The following SHROOM3 variants were observed in gnomAD, a reference collection of about 807,000 sequenced individuals.
The protein encoded by SHROOM3 is protein Shroom3.
SHROOM3 carries 47 observed loss-of-function variants against 138.6 expected under a neutral mutation model. The observed-to-expected ratio is 0.34, with a 90% CI of 0.27 to 0.43. The LOEUF (loss-of-function observed/expected upper bound fraction) is 0.43. Among genes scored for constraint, SHROOM3 ranks in the 20% least tolerant of loss-of-function variants. The pLI, the probability that SHROOM3 is intolerant of heterozygous loss-of-function variation, is 1.00. For synonymous variants in SHROOM3, 1,062 were observed against 1,063.3 expected (o/e 1.00, Z 0.02); for missense variants, 2,491 against 2,596.5 (o/e 0.96, Z 0.88).
intron 2 of SHROOM3, among the ~76,000 whole-genome samples, chr4:76,625,561 A>T (rs1287262430): frequency 6.6e-6 from 1 of 151,968 alleles, no homozygotes; most frequent in Non-Finnish European, 1.5e-5. Flanking sequence ...CATCTCATCA[A>T]GATAAAGTCA....
chr4:76,635,625 T>C (rs889742771), intron 2 of SHROOM3, among the ~76,000 whole-genome samples: 1 of 152,192 alleles, frequency 6.6e-6, no homozygotes, highest in Non-Finnish European at 1.5e-5. Context: ...TCTGGAGAAA[T>C]GGAACAACAG....
intron 1 of SHROOM3, among the ~76,000 whole-genome samples, chr4:76,518,575 T>TGCC (rs1560531527): frequency 2.6e-5 from 3 of 117,434 alleles, no homozygotes; most frequent in Admixed American, 9.0e-5. Context: ...TCTTGCCTGC[T>TGCC]TGCCTGCCTG....
chr4:76,772,761 C>G (rs1722407621), intron 10 of SHROOM3, among the ~76,000 whole-genome samples: 1 of 152,178 alleles, frequency 6.6e-6, no homozygotes, highest in South Asian at 2.1e-4. Flanking sequence ...AACACAGGCC[C>G]TGCTCTCCAG....
chr4:76,645,718 T>C (rs545795316), intron 2 of SHROOM3: 4 of 152,226 alleles, frequency 2.6e-5, no homozygotes, highest in Non-Finnish European at 5.9e-5. Context: ...TACAAAGACA[T>C]ATAAGAAAAA....
chr4:76,504,885 G>A (rs908387463), intron 1 of SHROOM3, among the ~76,000 whole-genome samples: 1 of 152,166 alleles, frequency 6.6e-6, no homozygotes, highest in African/African-American at 2.4e-5. Context: ...ACTGGCAATG[G>A]GATTTTATCA....
intron 2 of SHROOM3, among the ~76,000 whole-genome samples, chr4:76,572,374 G>A (rs754690163): frequency 6.6e-6 from 1 of 152,192 alleles, no homozygotes; most frequent in Non-Finnish European, 1.5e-5. Context: ...TGGGCAGAAA[G>A]TGATCTTAAT....
At chr4:76,691,489 GTTC>G (rs747995479) in intron 2 of SHROOM3, among the ~76,000 whole-genome samples, 2 of 152,168 alleles carry the variant, frequency 1.3e-5, no homozygotes, top group Non-Finnish European at 2.9e-5. Flanking sequence ...GTGAAACAAA[GTTC>G]TTCTTTTGGT....
intron 1 of SHROOM3, among the ~76,000 whole-genome samples, chr4:76,531,612 G>A (rs1419757168): frequency 6.6e-6 from 1 of 152,124 alleles, no homozygotes; most frequent in Non-Finnish European, 1.5e-5. Flanking sequence ...TTCTCATGGG[G>A]TTGCTATAAG....
intron 2 of SHROOM3, among the ~76,000 whole-genome samples, chr4:76,613,921 T>C (rs1734816346): frequency 6.6e-6 from 1 of 152,230 alleles, no homozygotes. Context: ...ACAGATTTAA[T>C]AGCCTTTGAC....
At chr4:76,553,567 C>T (rs1238922988) in intron 1 of SHROOM3, among the ~76,000 whole-genome samples, 1 of 152,082 alleles carries the variant, frequency 6.6e-6, no homozygotes, top group Non-Finnish European at 1.5e-5. Context: ...TGAGACACCG[C>T]ACGAGGCCCA....
At chr4:76,477,281 T>C (rs1579180897) in intron 1 of SHROOM3, among the ~76,000 whole-genome samples, 1 of 152,200 alleles carries the variant, frequency 6.6e-6, no homozygotes, top group African/African-American at 2.4e-5. Context: ...TCTTAACTAG[T>C]TCTTATGGCT....
intron 1 of SHROOM3, among the ~76,000 whole-genome samples, chr4:76,438,482 T>C (rs144910865): frequency 6.6e-6 from 1 of 152,378 alleles, no homozygotes; most frequent in Non-Finnish European, 1.5e-5. Context: ...AAACTCTGTT[T>C]AAATGTTCCT....
At chr4:76,497,114 G>A (rs1731984867) in intron 1 of SHROOM3, among the ~76,000 whole-genome samples, 10 of 152,190 alleles carry the variant, frequency 6.6e-5, no homozygotes, top group Admixed American at 4.6e-4. Context: ...CTATTTAGCT[G>A]TGTGATCTTG....
At position 76,738,805 on chromosome 4, in the gene SHROOM3, G is replaced by C. The variant is rs76406459; in HGVS notation, c.632G>C (p.Arg211Thr). Residue 211 changes from arginine to threonine, a missense_variant, in exon 5 of 11, where the codon AGG becomes ACG. By Grantham distance (71) the Arg-to-Thr change is moderately conservative. This residue lies in a region of SHROOM3 where 284 missense variants were observed against 322.8 expected (regional missense o/e 0.88). Coordinates refer to ENST00000296043, the MANE Select transcript of SHROOM3 (RefSeq NM_020859.4). ...TCCAACTATGACCATGCTTATCTAA[G>C]GCGGAGCCCTGACCAGTGCAGCTCC... Reference protein sequence around the residue: ...DLSNYDHAYLRRSPDQCSSQG... With the variant: ...DLSNYDHAYLTRSPDQCSSQG... The C allele has an allele frequency of 1.2e-6, 2 of 1,614,244 alleles. No individual in the cohort carries two copies. The highest frequency in any genetic ancestry group is 4.5e-5 in the East Asian group (2 of 44,890).
intron 2 of SHROOM3, among the ~76,000 whole-genome samples, chr4:76,627,156 C>A (rs542358542): frequency 6.6e-6 from 1 of 152,126 alleles, no homozygotes; most frequent in Non-Finnish European, 1.5e-5. Context: ...TTGGGGGATG[C>A]GAGTAGGGGC....
chr4:76,669,114 A>T (rs1269084472), intron 2 of SHROOM3, among the ~76,000 whole-genome samples: 1 of 152,196 alleles, frequency 6.6e-6, no homozygotes, highest in African/African-American at 2.4e-5. Context: ...CTCAGCTCTT[A>T]TCTTTCTATT....
intron 2 of SHROOM3, chr4:76,688,960 GCT>G (rs1719414704): frequency 1.2e-6 from 1 of 830,088 alleles, no homozygotes; most frequent in African/African-American, 2.3e-5. Flanking sequence ...TGTAATGCGA[GCT>G]TTTTTTTTTT....
intron 1 of SHROOM3, among the ~76,000 whole-genome samples, chr4:76,506,644 T>C (rs1732217346): frequency 6.6e-6 from 1 of 152,168 alleles, no homozygotes; most frequent in Non-Finnish European, 1.5e-5. Flanking sequence ...ATGAAGGATA[T>C]AGTATCCCAA....
At chr4:76,742,245 T>G in intron 5 of SHROOM3, 1 of 396,656 alleles carries the variant, frequency 2.5e-6, no homozygotes, top group Admixed American at 3.9e-5. Context: ...CTTTTTTGTT[T>G]TTTGCTTTTT....
Sources: gnomAD v4.1 joint callset for allele counts (sites outside exome capture counted in the v4.1 genomes callset) on GRCh38, gnomAD v4.1.1 for gene constraint, gnomAD v4.1.1 regional missense constraint, MANE v1.5 for transcripts, NCBI Gene and HGNC (gene_info 2026-07-23, HGNC 2026-07-21) for gene names.